Variants in SORCS1 observed in about 807,000 individuals in gnomAD.
The protein encoded by SORCS1 is VPS10 domain-containing receptor SorCS1.
In SORCS1, 60 loss-of-function variants were observed where a neutral mutation model predicts 146.1. That is an observed-to-expected ratio of 0.41 (90% CI 0.33 to 0.51). The LOEUF is 0.51. SORCS1 is among the 20% of genes least tolerant of loss of function. The pLI is 0.21. For missense variants in SORCS1, 1,352 were observed against 1,487.6 expected, an observed-to-expected ratio of 0.91 and a Z score of 1.50; for synonymous variants, 637 against 584.0, an observed-to-expected ratio of 1.09 and a Z score of -1.31.
At chr10:106,780,605 G>A (rs1860813320) in intron 3 of SORCS1, among the ~76,000 whole-genome samples, 2 of 152,182 alleles carry the variant, frequency 1.3e-5, no homozygotes, top group South Asian at 2.1e-4. Context: ...GCTGCCTGCA[G>A]GCCAGGGGCC....
At chr10:106,722,812 A>G (rs546745466) in intron 6 of SORCS1, among the ~76,000 whole-genome samples, 82 of 152,292 alleles carry the variant, frequency 5.4e-4, no homozygotes, top group African/African-American at 1.9e-3. Context: ...ATATACAACT[A>G]TATATCCATG....
chr10:106,616,952 CT>C (rs869157881), intron 21 of SORCS1, among the ~76,000 whole-genome samples: 6 of 490 alleles, frequency 0.012, no homozygotes, highest in Admixed American at 0.062. Flanking sequence ...CTTGCTCTTT[CT>C]TTTTTTTTTT....
At chr10:106,872,292 A>G (rs1223261302) in intron 2 of SORCS1, among the ~76,000 whole-genome samples, 1 of 152,238 alleles carries the variant, frequency 6.6e-6, no homozygotes, top group Non-Finnish European at 1.5e-5. Flanking sequence ...AGAGGCAGAG[A>G]GAAGATCAAG....
chr10:106,827,828 C>G (rs1343567191), intron 3 of SORCS1, among the ~76,000 whole-genome samples: 1 of 152,084 alleles, frequency 6.6e-6, no homozygotes, highest in Non-Finnish European at 1.5e-5. Context: ...CAGCCACCCA[C>G]AGCTATATCA....
At chr10:107,082,594 C>T (rs1428762213) in intron 1 of SORCS1, among the ~76,000 whole-genome samples, 1 of 151,962 alleles carries the variant, frequency 6.6e-6, no homozygotes, top group East Asian at 1.9e-4. Context: ...TATCCTGCCT[C>T]ACTCAGCCTC....
At chr10:107,124,794 G>A (rs1966608265) in intron 1 of SORCS1, among the ~76,000 whole-genome samples, 1 of 152,056 alleles carries the variant, frequency 6.6e-6, no homozygotes, top group Admixed American at 6.6e-5. Context: ...TATGAAACGT[G>A]TAATTTTCTC....
intron 2 of SORCS1, among the ~76,000 whole-genome samples, chr10:106,947,617 G>T (rs1180367715): frequency 7.9e-5 from 12 of 152,198 alleles, no homozygotes; most frequent in Non-Finnish European, 1.5e-5. Context: ...GCCAAGGTGG[G>T]CAGATCACCT....
intron 1 of SORCS1, among the ~76,000 whole-genome samples, chr10:106,964,238 T>A (rs1955393160): frequency 6.6e-6 from 1 of 152,216 alleles, no homozygotes; most frequent in Admixed American, 6.5e-5. Context: ...AATATTAGGC[T>A]GGTAGTGTGC....
intron 1 of SORCS1, among the ~76,000 whole-genome samples, chr10:107,066,525 ACAAACGAGT>A (rs148415608): frequency 0.01 from 1,580 of 152,336 alleles, 14 homozygotes; most frequent in South Asian, 0.028. Context: ...ACAAGGCTCT[ACAAACGAGT>A]CTATTGCACT....
At chr10:106,634,045 C>T (rs1011581121) in intron 18 of SORCS1, among the ~76,000 whole-genome samples, 1 of 152,154 alleles carries the variant, frequency 6.6e-6, no homozygotes, top group African/African-American at 2.4e-5. Context: ...GATGAAAAAG[C>T]TTTACCAGGA....
chr10:106,697,523 T>C (rs1477463024), intron 9 of SORCS1, among the ~76,000 whole-genome samples: 1 of 152,116 alleles, frequency 6.6e-6, no homozygotes, highest in African/African-American at 2.4e-5. Flanking sequence ...CTGCACTAAT[T>C]TCAGTATGGG....
intron 24 of SORCS1, among the ~76,000 whole-genome samples, chr10:106,586,174 A>G (rs1845222895): frequency 6.6e-6 from 1 of 152,208 alleles, no homozygotes; most frequent in African/African-American, 2.4e-5. Flanking sequence ...ATAGTCTTCT[A>G]TCCCCACTCT....
chr10:106,672,801 A>G (rs767040956), intron 15 of SORCS1, 67 bp downstream of exon 15: 4 of 1,364,202 alleles, frequency 2.9e-6, no homozygotes, highest in Non-Finnish European at 4.2e-6. Context: ...TACCTTAGCA[A>G]CTAGCTTTCC....
chr10:106,666,636 A>T (rs915471879), intron 17 of SORCS1, among the ~76,000 whole-genome samples: 16 of 149,830 alleles, frequency 1.1e-4, no homozygotes, highest in Non-Finnish European at 2.2e-4. Context: ...GGCTCACTGC[A>T]ACCTCTGCCT....
chr10:106,993,245 T>C (rs1363841962), intron 1 of SORCS1, among the ~76,000 whole-genome samples: 1 of 152,218 alleles, frequency 6.6e-6, no homozygotes, highest in Non-Finnish European at 1.5e-5. Flanking sequence ...TACCCATACA[T>C]GTCTTTTCAG....
chr10:107,094,355 C>T (rs759763387), intron 1 of SORCS1, among the ~76,000 whole-genome samples: 8 of 152,130 alleles, frequency 5.3e-5, no homozygotes, highest in Admixed American at 3.9e-4. Flanking sequence ...TCCAAACTGA[C>T]ATTAAGAAAC....
chr10:106,829,936 T>TA (rs373645801), intron 2 of SORCS1, among the ~76,000 whole-genome samples: 2 of 152,316 alleles, frequency 1.3e-5, no homozygotes, highest in African/African-American at 4.8e-5. Flanking sequence ...GTGGTTAATT[T>TA]AAAAAGATTA....
At chr10:106,739,876 C>T (rs200367773) in intron 5 of SORCS1, among the ~76,000 whole-genome samples, 5 of 150,164 alleles carry the variant, frequency 3.3e-5, no homozygotes, top group Non-Finnish European at 5.9e-5. Context: ...GGCGTCAACC[C>T]GGAGGCAGAG....
chr10:106,991,076 A>C (rs1442071164), intron 1 of SORCS1, among the ~76,000 whole-genome samples: 1 of 152,234 alleles, frequency 6.6e-6, no homozygotes, highest in East Asian at 1.9e-4. Context: ...GATACTAACT[A>C]ATCTGACTTA....
Sources: allele counts gnomAD v4.1 joint callset (sites outside exome capture counted in the v4.1 genomes callset), GRCh38; gene constraint gnomAD v4.1.1; transcripts MANE v1.5; gene names NCBI Gene and HGNC (gene_info 2026-07-23, HGNC 2026-07-21).